CCDC144A: variants seen among roughly 807,000 people sequenced by gnomAD.
CCDC144A encodes coiled-coil domain-containing protein 144A.
Under a neutral mutation model 143.8 loss-of-function variants are expected in CCDC144A, and 41 were observed. That is an observed-to-expected ratio of 0.29 (90% CI 0.22 to 0.37). The LOEUF is 0.37. Ranked by LOEUF, CCDC144A falls within the 10% of genes least tolerant of loss-of-function variation. The pLI is 1.00. For missense variants in CCDC144A, 637 were observed against 1,488.8 expected, an observed-to-expected ratio of 0.43 and a Z score of 9.41; for synonymous variants, 242 against 517.9, an observed-to-expected ratio of 0.47 and a Z score of 7.23.
chr17:16,703,978 G>T (rs990680370), intron 2 of CCDC144A, among the ~76,000 whole-genome samples: 16 of 152,252 alleles, frequency 1.1e-4, no homozygotes, highest in African/African-American at 3.9e-4. Flanking sequence ...ATAACATTTT[G>T]TATTATTTGA....
chr17:16,698,783 T>C (rs1212098553), intron 2 of CCDC144A, among the ~76,000 whole-genome samples: 1 of 152,234 alleles, frequency 6.6e-6, no homozygotes, highest in African/African-American at 2.4e-5. Flanking sequence ...GTGACACAAT[T>C]TCAGGTTTTG....
chr17:16,720,324 G>C (rs1217056639), intron 7 of CCDC144A, 93 bp downstream of exon 7: 14 of 1,493,130 alleles, frequency 9.4e-6, no homozygotes, highest in Non-Finnish European at 1.2e-5. Flanking sequence ...TTGTTGTAAG[G>C]CTGTTTGCTT....
chr17:16,673,448 G>A, the CCDC144A span, among the ~76,000 whole-genome samples: 1 of 150,020 alleles, frequency 6.7e-6, no homozygotes, highest in Non-Finnish European at 1.5e-5. Flanking sequence ...GTACAGTGGC[G>A]CCACAGTGGC....
At chr17:16,692,166 G>A (rs1182685152) in intron 1 of CCDC144A, among the ~76,000 whole-genome samples, 1 of 152,118 alleles carries the variant, frequency 6.6e-6, no homozygotes, top group African/African-American at 2.4e-5. Context: ...TGTTTTCCAT[G>A]TCAGTTGGAG....
At chr17:16,756,827 A>G (rs1268369276) in intron 12 of CCDC144A, among the ~76,000 whole-genome samples, 1 of 151,966 alleles carries the variant, frequency 6.6e-6, no homozygotes, top group African/African-American at 2.4e-5. Context: ...GTGCTCTGGC[A>G]TTGATGATGG....
intron 14 of CCDC144A, among the ~76,000 whole-genome samples, chr17:16,763,231 C>A (rs1190858836): frequency 1.3e-5 from 2 of 151,870 alleles, no homozygotes; most frequent in East Asian, 3.9e-4. Flanking sequence ...GATACATGGG[C>A]CGCAGTGTTA....
At chr17:16,772,430 G>A (rs1318727898) in intron 16 of CCDC144A, among the ~76,000 whole-genome samples, 1 of 150,298 alleles carries the variant, frequency 6.7e-6, no homozygotes, top group Admixed American at 6.6e-5. Context: ...TCGCTTGAGA[G>A]GTAACACTTT....
At chr17:16,676,399 TAC>T in the CCDC144A span, among the ~76,000 whole-genome samples, 2 of 151,266 alleles carry the variant, frequency 1.3e-5, no homozygotes, top group Admixed American at 1.3e-4. Context: ...TAGTCCCAGC[TAC>T]TCGGGAGGCT....
At chr17:16,690,233 T>G, upstream of CCDC144A, 2 of 507,468 alleles carry the variant, frequency 3.9e-6, no homozygotes, top group Non-Finnish European at 7.0e-6. Context: ...TGGCTTGGCC[T>G]TACCCACGAG....
chr17:16,749,040 C>T (rs1048448182), intron 12 of CCDC144A, among the ~76,000 whole-genome samples: 7 of 152,014 alleles, frequency 4.6e-5, no homozygotes, highest in African/African-American at 1.2e-4. Context: ...CTTCAAAAAG[C>T]CAACTTTTGG....
intron 12 of CCDC144A, among the ~76,000 whole-genome samples, chr17:16,759,248 G>C (rs1237805383): frequency 6.6e-6 from 1 of 152,230 alleles, no homozygotes; most frequent in Non-Finnish European, 1.5e-5. Flanking sequence ...AATATCAGAA[G>C]TTATGGGTGG....
chr17:16,769,143 G>A (rs1915725881), intron 15 of CCDC144A, among the ~76,000 whole-genome samples: 2 of 152,082 alleles, frequency 1.3e-5, no homozygotes, highest in African/African-American at 2.4e-5. Flanking sequence ...CATCGCAGGT[G>A]CATGCTGCTT....
intron 12 of CCDC144A, among the ~76,000 whole-genome samples, chr17:16,754,570 T>C (rs1156890597): frequency 1.3e-5 from 2 of 152,256 alleles, no homozygotes; most frequent in Non-Finnish European, 2.9e-5. Flanking sequence ...GTTTACAAAG[T>C]TTTTGTCGTT....
the CCDC144A span, among the ~76,000 whole-genome samples, chr17:16,671,411 G>C: frequency 3.4e-3 from 513 of 152,182 alleles, 3 homozygotes; most frequent in African/African-American, 0.012. Context: ...GCGTTATTCT[G>C]TAAGTTCTGT....
intron 12 of CCDC144A, among the ~76,000 whole-genome samples, chr17:16,751,097 C>A (rs1035698975): frequency 2.0e-5 from 3 of 152,154 alleles, no homozygotes; most frequent in Admixed American, 6.5e-5. Flanking sequence ...TAATGAAATG[C>A]TCTGATTTGT....
upstream of CCDC144A, among the ~76,000 whole-genome samples, chr17:16,686,555 C>T (rs561758819): frequency 3.8e-3 from 582 of 151,934 alleles, 6 homozygotes; most frequent in African/African-American, 0.013. Context: ...CCTGTAATCC[C>T]AGCACTTTGG....
chr17:16,759,591 C>T (rs62075071), intron 12 of CCDC144A, among the ~76,000 whole-genome samples: 13,483 of 148,044 alleles, frequency 0.091, 20 homozygotes, highest in South Asian at 0.11. Context: ...GTTCCCGTAT[C>T]GTTTTCTTCA....
At chr17:16,684,095 A>G in the CCDC144A span, 34 of 1,010,276 alleles carry the variant, frequency 3.4e-5, no homozygotes, top group South Asian at 4.2e-4. Context: ...CAGTATGTTT[A>G]CGATAAATGG....
chr17:16,671,230 A>C, the CCDC144A span, among the ~76,000 whole-genome samples: 1 of 152,072 alleles, frequency 6.6e-6, no homozygotes, highest in African/African-American at 2.4e-5. Flanking sequence ...TGATCTGCCC[A>C]TCTTGGCCTC....
Sources: allele counts gnomAD v4.1 joint callset (sites outside exome capture counted in the v4.1 genomes callset), GRCh38; gene constraint gnomAD v4.1.1; transcripts MANE v1.5; gene names NCBI Gene and HGNC (gene_info 2026-07-23, HGNC 2026-07-21).